The following TACR3 variants were observed in gnomAD, a reference collection of about 807,000 sequenced individuals.
TACR3 encodes the protein neuromedin-K receptor.
A neutral mutation model predicts 35.0 loss-of-function variants in TACR3; 34 were observed. That is an observed-to-expected ratio of 0.97 (90% CI 0.74 to 1.30). TACR3 has a LOEUF of 1.30. Among genes scored for constraint, TACR3 ranks in the 50% most tolerant of loss-of-function variants. The pLI is 0.00. For missense variants in TACR3, 558 were observed against 591.7 expected (o/e 0.94, Z 0.59); for synonymous variants, 233 against 221.1 (o/e 1.05, Z -0.48).
At chr4:103,599,531 C>T (rs1724135359) in intron 3 of TACR3, among the ~76,000 whole-genome samples, 1 of 152,166 alleles carries the variant, frequency 6.6e-6, no homozygotes, top group Non-Finnish European at 1.5e-5. Flanking sequence ...TTGTCTTGTG[C>T]CAGTTTTCAA....
chr4:103,586,097 A>C lies in TACR3; in HGVS notation c.*3585T>G, dbSNP rs894171663. ...TAGAAATTAAATCTGTCACATTATC[A>C]CATATGCAAAGGGTGTAAATACATT... On this transcript the variant is annotated 3_prime_UTR_variant, in exon 5 of 5. Transcript: ENST00000304883. 6.6e-6 allele frequency: 1 copy of C among 152,072 alleles called. No homozygotes were observed. The highest frequency in any genetic ancestry group is 1.5e-5 in the Non-Finnish European group (1 of 67,996). The allele number at this position is 152,072 out of a possible 1,614,324, so 9.4% of individuals were successfully genotyped here. A position where few individuals can be genotyped will look rare whatever the true frequency, so the allele number is the denominator to read the frequency against.
chr4:103,656,077 T>C, intron 3 of TACR3, 117 bp downstream of exon 3: 2 of 1,309,720 alleles, frequency 1.5e-6, no homozygotes, highest in Non-Finnish European at 2.2e-6. Context: ...AACAAAGACA[T>C]TAAAAACAGG....
chr4:103,717,020 T>C (rs1415376129), intron 1 of TACR3, among the ~76,000 whole-genome samples: 1 of 152,160 alleles, frequency 6.6e-6, no homozygotes, highest in African/African-American at 2.4e-5. Context: ...ATCATTCAGG[T>C]GTCAACCTCA....
chr4:103,626,681 T>C (rs188324296), intron 3 of TACR3, among the ~76,000 whole-genome samples: 3 of 152,312 alleles, frequency 2.0e-5, no homozygotes, highest in African/African-American at 7.2e-5. Flanking sequence ...TTGAAGTAGT[T>C]TTCTCCGGTA....
chr4:103,704,059 G>T (rs1354731084), intron 1 of TACR3, among the ~76,000 whole-genome samples: 2 of 124,394 alleles, frequency 1.6e-5, no homozygotes, highest in East Asian at 5.3e-4. Context: ...AGCCGAGATT[G>T]CGCCCCTGCA....
chr4:103,691,587 C>T (rs907819898), intron 1 of TACR3, among the ~76,000 whole-genome samples: 5 of 152,106 alleles, frequency 3.3e-5, no homozygotes, highest in Non-Finnish European at 5.9e-5. Context: ...GCAGCAGGCC[C>T]CCCAAAATCT....
intron 1 of TACR3, among the ~76,000 whole-genome samples, chr4:103,712,810 C>T (rs1407514921): frequency 6.6e-6 from 1 of 152,116 alleles, no homozygotes; most frequent in Non-Finnish European, 1.5e-5. Flanking sequence ...AAAAAGTTGG[C>T]AAAGTATATG....
At chr4:103,672,541 T>C (rs539223474) in intron 1 of TACR3, among the ~76,000 whole-genome samples, 2 of 152,136 alleles carry the variant, frequency 1.3e-5, no homozygotes, top group Non-Finnish European at 2.9e-5. Flanking sequence ...TTCTGAACAG[T>C]GAGTCTTAAC....
chr4:103,671,746 G>A (rs1256328765), intron 1 of TACR3, among the ~76,000 whole-genome samples: 1 of 151,780 alleles, frequency 6.6e-6, no homozygotes, highest in Non-Finnish European at 1.5e-5. Context: ...TTATTGTATT[G>A]ATCTTTTGAT....
chr4:103,598,904 T>C (rs571715038), intron 3 of TACR3, among the ~76,000 whole-genome samples: 1 of 152,316 alleles, frequency 6.6e-6, no homozygotes, highest in African/African-American at 2.4e-5. Context: ...TCCAGCTTTG[T>C]TCTTTTGGCT....
chr4:103,684,277 C>T (rs1325885229), intron 1 of TACR3, among the ~76,000 whole-genome samples: 1 of 152,052 alleles, frequency 6.6e-6, no homozygotes, highest in Non-Finnish European at 1.5e-5. Flanking sequence ...AATAATGTCT[C>T]TATTCATACA....
At chr4:103,630,725 T>G (rs1166565236) in intron 3 of TACR3, among the ~76,000 whole-genome samples, 1 of 152,184 alleles carries the variant, frequency 6.6e-6, no homozygotes, top group Non-Finnish European at 1.5e-5. Flanking sequence ...GCTTTTACAC[T>G]GTTGGTGGGA....
rs879603676 is a variant in TACR3, at chr4:103,719,736, C to A, written c.-61G>T. On this transcript the variant is annotated 5_prime_UTR_variant, in exon 1 of 5. Coordinates refer to ENST00000304883, the MANE Select transcript of TACR3 (RefSeq NM_001059.3). The stretch of plus-strand genomic sequence containing the variant: ...CCCACGGGCAGCCCAAGACGAGACT[C>A]CTCTGAAGTTCTTCTCTGCCTCCTG... 2 of 1,591,404 alleles carry A rather than the reference C, an allele frequency of 1.3e-6. No homozygotes were observed. The highest frequency in any genetic ancestry group is 1.7e-6 in the Non-Finnish European group (2 of 1,173,968).
intron 1 of TACR3, among the ~76,000 whole-genome samples, chr4:103,699,822 G>T (rs777129748): frequency 6.6e-6 from 1 of 152,058 alleles, no homozygotes; most frequent in African/African-American, 2.4e-5. Context: ...TTAGAGGAAC[G>T]TCAGGAACTC....
At chr4:103,718,422 G>A (rs1473171834) in intron 1 of TACR3, among the ~76,000 whole-genome samples, 1 of 152,208 alleles carries the variant, frequency 6.6e-6, no homozygotes. Flanking sequence ...AATATGAGAA[G>A]GCAAAGGCAC....
chr4:103,644,565 T>A (rs568943324), intron 3 of TACR3, among the ~76,000 whole-genome samples: 1 of 151,912 alleles, frequency 6.6e-6, no homozygotes, highest in East Asian at 1.9e-4. Context: ...AAATAATTGG[T>A]AAATAATCAT....
intron 3 of TACR3, among the ~76,000 whole-genome samples, chr4:103,595,269 A>C (rs1723980725): frequency 1.3e-5 from 2 of 152,212 alleles, no homozygotes; most frequent in African/African-American, 4.8e-5. Flanking sequence ...TTTTTAGGCA[A>C]GATGACAATC....
chr4:103,648,790 T>C (rs896742597), intron 3 of TACR3, among the ~76,000 whole-genome samples: 1 of 152,144 alleles, frequency 6.6e-6, no homozygotes, highest in East Asian at 1.9e-4. Flanking sequence ...TCCTTCCTTT[T>C]GGTTATGTAC....
chr4:103,667,750 GATT>G (rs1725964032), intron 1 of TACR3, among the ~76,000 whole-genome samples: 1 of 152,080 alleles, frequency 6.6e-6, no homozygotes, highest in Non-Finnish European at 1.5e-5. Flanking sequence ...AAATAACAAA[GATT>G]AAAACAAATT....
Sources: gnomAD v4.1 joint callset for allele counts (sites outside exome capture counted in the v4.1 genomes callset) on GRCh38, gnomAD v4.1.1 for gene constraint, MANE v1.5 for transcripts, NCBI Gene and HGNC (gene_info 2026-07-23, HGNC 2026-07-21) for gene names.